The following KAZN variants were observed in gnomAD, a reference collection of about 807,000 sequenced individuals.
KAZN encodes the protein kazrin.
KAZN carries 40 observed loss-of-function variants against 87.4 expected under a neutral mutation model. The observed-to-expected ratio is 0.46, with a 90% confidence interval of 0.36 to 0.60. The LOEUF is 0.60. KAZN is among the 20% of genes least tolerant of loss of function. KAZN has a pLI of 0.00. For missense variants in KAZN, 898 were observed against 1,073.9 expected (o/e 0.84, Z 2.29); for synonymous variants, 466 against 458.3 (o/e 1.02, Z -0.22).
chr1:13,980,114 T>C (rs1638590257), intron 1 of KAZN, among the ~76,000 whole-genome samples: 1 of 152,058 alleles, frequency 6.6e-6, no homozygotes, highest in African/African-American at 2.4e-5. Flanking sequence ...CATGTTGTAA[T>C]CTCTAGGTTA....
rs757094991 is a variant in KAZN, at chr1:15,065,734, C to T, written c.1203C>T (p.Leu401=). ...VFARGKQRKS[L]DPGLFDDSDS... is the part of the protein sequence containing the mutation. ...CCAGAGGGAAGCAGCGGAAGTCCCTCGACCCCGGCCTCTTTGATGGTACCG... is the reference window on the plus strand; with the variant it reads ...CCAGAGGGAAGCAGCGGAAGTCCCTTGACCCCGGCCTCTTTGATGGTACCG... The change falls in exon 8 of 15, where the codon CTC becomes CTT. Residue 401 remains leucine (L), a synonymous_variant. Coordinates refer to ENST00000376030, the MANE Select transcript of KAZN (RefSeq NM_201628.3). 15 of 1,614,146 alleles carry T rather than the reference C, an allele frequency of 9.3e-6. No individual in the cohort carries two copies. Among genetic ancestry groups the T allele is most frequent in the Middle Eastern group, 1.6e-4 (1 of 6,084 alleles).
Position 14,184,777 on chromosome 1 carries a change from T to C in KAZN, c.249+4185T>C, listed in dbSNP as rs116754882. On this transcript the variant is annotated intron_variant, in intron 2 of 16. Transcript: ENST00000636203. This position sits in a 1 kb window ranked among gnomAD's most constrained non-coding sequence, Gnocchi z 4.2. ...AGTGTGGACCAGAGGAAACCTTGGC[T>C]CAGGTTCCTGGCAGATAGGGAGGGT... is the stretch of plus-strand genomic sequence containing the variant. 0.05 allele frequency among the ~76,000 whole-genome samples: 7,605 copies of C among 152,234 alleles called. 277 individuals are homozygous for C. Among genetic ancestry groups the C allele is most frequent in the Non-Finnish European group, 0.077 (5,225 of 67,992 alleles).
At chr1:14,934,507 C>T (rs1175890198) in intron 1 of KAZN, among the ~76,000 whole-genome samples, 1 of 152,204 alleles carries the variant, frequency 6.6e-6, no homozygotes, top group Non-Finnish European at 1.5e-5. Context: ...GCCCGGCCCT[C>T]CTTTTTCATA....
chr1:14,539,234 C>T (rs531621598), intron 2 of KAZN, among the ~76,000 whole-genome samples: 129 of 152,188 alleles, frequency 8.5e-4, no homozygotes, highest in African/African-American at 2.8e-3. Flanking sequence ...GTCCCATTCC[C>T]GGCAATACAC....
intron 4 of KAZN, among the ~76,000 whole-genome samples, chr1:15,051,057 C>T (rs527620658): frequency 6.6e-6 from 1 of 152,222 alleles, no homozygotes; most frequent in African/African-American, 2.4e-5. Context: ...GCTCAGTGCC[C>T]GTTTGGCGCA....
chr1:14,944,582 T>C (rs777897341), intron 1 of KAZN, among the ~76,000 whole-genome samples: 17 of 152,302 alleles, frequency 1.1e-4, no homozygotes, highest in Middle Eastern at 6.8e-3. Context: ...TGTCTGTGCA[T>C]GGGAGATGGG....
intron 2 of KAZN, among the ~76,000 whole-genome samples, chr1:14,267,195 A>G (rs1296383650): frequency 2.0e-5 from 3 of 152,022 alleles, no homozygotes; most frequent in Admixed American, 6.6e-5. Flanking sequence ...TTTTAAAAAT[A>G]CAGTGTAACA....
intron 1 of KAZN, among the ~76,000 whole-genome samples, chr1:14,113,325 T>C (rs1023153430): frequency 6.6e-6 from 1 of 152,220 alleles, no homozygotes; most frequent in African/African-American, 2.4e-5. Context: ...CCTTGTGATG[T>C]GTGGCGAAAG....
intron 1 of KAZN, among the ~76,000 whole-genome samples, chr1:14,650,236 C>T (rs565923580): frequency 3.3e-5 from 5 of 152,172 alleles, no homozygotes; most frequent in African/African-American, 9.6e-5. Context: ...TAAAAATTTA[C>T]AAGAAACATT....
intron 1 of KAZN, among the ~76,000 whole-genome samples, chr1:13,987,231 C>T (rs1171944184): frequency 6.6e-6 from 1 of 152,018 alleles, no homozygotes; most frequent in African/African-American, 2.4e-5. Flanking sequence ...TATACATGTG[C>T]CATGGTGGTT....
At chr1:14,939,249 G>T (rs375014620) in intron 1 of KAZN, among the ~76,000 whole-genome samples, 1 of 152,056 alleles carries the variant, frequency 6.6e-6, no homozygotes, top group Non-Finnish European at 1.5e-5. Flanking sequence ...TGGGATTACA[G>T]GTGTGAGCCA....
At chr1:14,639,933 A>G (rs1420835403) in intron 1 of KAZN, among the ~76,000 whole-genome samples, 1 of 152,164 alleles carries the variant, frequency 6.6e-6, no homozygotes, top group African/African-American at 2.4e-5. Flanking sequence ...CTAAGAGGTC[A>G]GAGAAGGTGG....
Position 15,056,770 on chromosome 1 carries a change from G to A in KAZN, c.916+490G>A, listed in dbSNP as rs187483425. On this transcript the variant is annotated intron_variant, in intron 5 of 14. Coordinates refer to ENST00000376030, the MANE Select transcript of KAZN (RefSeq NM_201628.3). This position sits in a 1 kb window ranked among gnomAD's most constrained non-coding sequence, Gnocchi z 5.4. ...CTCTGGCCAATCACAGGGCATCCAA[G>A]AGGGGCTGATGTCAATGTCACAGGT... Among the ~76,000 whole-genome samples, 2 of 152,348 alleles carry A rather than the reference G, an allele frequency of 1.3e-5. No individual in the cohort carries two copies. The highest frequency in any genetic ancestry group is 4.8e-5 in the African/African-American group (2 of 41,578).
intron 2 of KAZN, among the ~76,000 whole-genome samples, chr1:14,984,183 C>CTCCATCTCTACTAAAAATACAAAATGA (rs1303074451): frequency 6.6e-6 from 1 of 152,014 alleles, no homozygotes; most frequent in Non-Finnish European, 1.5e-5. Flanking sequence ...CTTGGCAAAA[C>CTCCATCTCTACTAAAAATACAAAATGA]TCCATCTCTA....
chr1:14,793,879 A>C (rs1373145598), intron 1 of KAZN, among the ~76,000 whole-genome samples: 4 of 152,222 alleles, frequency 2.6e-5, no homozygotes, highest in African/African-American at 9.6e-5. Flanking sequence ...TCCTCTGGCA[A>C]ACAAGACCAC....
intron 2 of KAZN, among the ~76,000 whole-genome samples, chr1:14,335,744 C>T (rs540280041): frequency 8.7e-4 from 131 of 151,182 alleles, no homozygotes; most frequent in African/African-American, 2.5e-3. Context: ...CGTGCATGTG[C>T]GCGCACACAC....
chr1:14,862,736 T>TAATA lies in KAZN; in HGVS notation c.227-97947_227-97944dup, dbSNP rs142339213. On this transcript the variant is annotated intron_variant, in intron 1 of 14. Coordinates refer to ENST00000376030, the MANE Select transcript of KAZN (RefSeq NM_201628.3). ...GGAGCTGTCCCGTGCTATGTGCTCA[T>TAATA]AATACATTGACACTAAGTTCTTCAT... is the stretch of plus-strand genomic sequence containing the variant. 7.0e-3 allele frequency among the ~76,000 whole-genome samples: 1,064 copies of TAATA among 152,308 alleles called. 13 individuals carry two copies. The highest frequency in any genetic ancestry group is 0.024 in the African/African-American group (1,018 of 41,564).
rs575821224 is a variant in KAZN at position 14,450,750 on chromosome 1, C to T, written c.250-148233C>T. 9.1e-4 allele frequency among the ~76,000 whole-genome samples: 138 copies of T among 152,242 alleles called. 1 individual carries two copies. The highest frequency in any genetic ancestry group is 3.4e-3 in the Middle Eastern group (1 of 294). On this transcript the variant is annotated intron_variant, in intron 2 of 16. Coordinates refer to the KAZN transcript ENST00000636203. ...TCAAGTGTGGGGAAGGAGGGGTAGGCTGTTTGAAATTGCAAAGGAAAGACT... is the reference window on the plus strand; with the variant it reads ...TCAAGTGTGGGGAAGGAGGGGTAGGTTGTTTGAAATTGCAAAGGAAAGACT...
intron 2 of KAZN, among the ~76,000 whole-genome samples, chr1:14,302,032 C>A (rs1256448419): frequency 6.6e-6 from 1 of 152,184 alleles, no homozygotes; most frequent in African/African-American, 2.4e-5. Flanking sequence ...CTATTTCCAC[C>A]TACCTAGTGC....
Sources: gnomAD v4.1 joint callset for allele counts (sites outside exome capture counted in the v4.1 genomes callset) on GRCh38, gnomAD v4.1.1 for gene constraint, Gnocchi (gnomAD v3.1) non-coding constraint, MANE v1.5 for transcripts, NCBI Gene and HGNC (gene_info 2026-07-23, HGNC 2026-07-21) for gene names.